The following JAKMIP2 variants were observed in gnomAD, a reference collection of about 807,000 sequenced individuals.
The protein encoded by JAKMIP2 is janus kinase and microtubule interacting protein 2.
Under a neutral mutation model 115.0 loss-of-function variants are expected in JAKMIP2, and 25 were observed. The observed-to-expected ratio is 0.22, with a 90% CI of 0.16 to 0.30. The LOEUF (loss-of-function observed/expected upper bound fraction) is 0.30. Ranked by LOEUF, JAKMIP2 falls within the 10% of genes least tolerant of loss-of-function variation. The pLI, the probability that JAKMIP2 is intolerant of heterozygous loss-of-function variation, is 1.00. For synonymous variants in JAKMIP2, 334 were observed against 343.6 expected (o/e 0.97, Z 0.31); for missense variants, 642 against 957.6 (o/e 0.67, Z 4.35).
chr5:147,737,561 T>C (rs1337951078), intron 1 of JAKMIP2, among the ~76,000 whole-genome samples: 1 of 152,212 alleles, frequency 6.6e-6, no homozygotes, highest in Non-Finnish European at 1.5e-5. Flanking sequence ...CCTCCAGGTT[T>C]AGCTATTTAA....
chr5:147,592,863 T>TA lies in JAKMIP2; in HGVS notation c.*21-1178dup, dbSNP rs61001975. ...TCTAGTCTACCAACCAGGGGCAACTTAAAGATCCAAAGGCATATTTGCAGA... is the reference window on the plus strand; with the variant it reads ...TCTAGTCTACCAACCAGGGGCAACTTAAAAGATCCAAAGGCATATTTGCAGA... On this transcript the variant is annotated intron_variant, in intron 21 of 21. Transcript: ENST00000616793. Among the ~76,000 whole-genome samples, 188 of 152,216 alleles carry TA rather than the reference T, an allele frequency of 1.2e-3. 3 individuals carry two copies. Among genetic ancestry groups the TA allele is most frequent in the African/African-American group, 4.4e-3 (181 of 41,544 alleles).
At chr5:147,772,179 C>T in intron 1 of JAKMIP2, among the ~76,000 whole-genome samples, 1 of 151,924 alleles carries the variant, frequency 6.6e-6, no homozygotes, top group Non-Finnish European at 1.5e-5. Flanking sequence ...GAAAAAAACG[C>T]CTTAGTCTAC....
intron 4 of JAKMIP2, 71 bp downstream of exon 4, chr5:147,650,267 T>C: frequency 3.1e-6 from 3 of 958,270 alleles, no homozygotes; most frequent in African/African-American, 1.6e-5. Flanking sequence ...AGAGCTTAAG[T>C]AAAAGGTAAA....
intron 1 of JAKMIP2, among the ~76,000 whole-genome samples, chr5:147,711,965 T>C (rs780929619): frequency 6.6e-6 from 1 of 152,228 alleles, no homozygotes; most frequent in Non-Finnish European, 1.5e-5. Context: ...AATGTAGACT[T>C]CATGGTGTTG....
chr5:147,648,596 T>A (rs1029150965), intron 4 of JAKMIP2, 122 bp from the exon 5 acceptor site: 10 of 619,312 alleles, frequency 1.6e-5, no homozygotes, highest in African/African-American at 1.5e-4. Context: ...GAAGTGAGAA[T>A]AAAATATTCT....
rs1037605068 is a variant in JAKMIP2 at position 147,671,831 on chromosome 5, T to G, written c.-25A>C. The G allele has an allele frequency of 1.3e-6, 2 of 1,529,840 alleles. No individual in the cohort carries two copies. The highest frequency in any genetic ancestry group is 4.2e-5 in the Admixed American group (2 of 48,076). 94.8% of individuals were successfully genotyped at this position (1,529,840 alleles called of 1,614,324 possible). On this transcript the variant is annotated 5_prime_UTR_variant, in exon 2 of 22. Coordinates refer to ENST00000616793, the MANE Select transcript of JAKMIP2 (RefSeq NM_001270941.2). ...TTGTTCCTTTCTAAATGGAGTCTGT[T>G]GGTTTTTAATTTCTTTCAAGCAGGT... is the stretch of plus-strand genomic sequence containing the variant.
At chr5:147,731,343 T>A (rs1328970928) in intron 1 of JAKMIP2, among the ~76,000 whole-genome samples, 1 of 152,218 alleles carries the variant, frequency 6.6e-6, no homozygotes, top group African/African-American at 2.4e-5. Context: ...CACGAAAGAC[T>A]AACTTTACAC....
intron 5 of JAKMIP2, among the ~76,000 whole-genome samples, chr5:147,647,684 G>A (rs1361512102): frequency 6.6e-6 from 1 of 152,150 alleles, no homozygotes; most frequent in African/African-American, 2.4e-5. Context: ...TGTTGGAAAA[G>A]ATATGGAGAA....
At chr5:147,705,064 G>A (rs1216030676) in intron 1 of JAKMIP2, among the ~76,000 whole-genome samples, 6 of 152,116 alleles carry the variant, frequency 3.9e-5, no homozygotes, top group Admixed American at 1.3e-4. Flanking sequence ...GAATATGTTC[G>A]TTGTTGCTGC....
At chr5:147,695,380 A>T (rs1290756672) in intron 1 of JAKMIP2, among the ~76,000 whole-genome samples, 1 of 152,212 alleles carries the variant, frequency 6.6e-6, no homozygotes, top group Non-Finnish European at 1.5e-5. Context: ...GACTCCAGAT[A>T]GATGAGGTTT....
intron 5 of JAKMIP2, among the ~76,000 whole-genome samples, chr5:147,647,982 C>T (rs905541425): frequency 6.6e-6 from 1 of 152,126 alleles, no homozygotes; most frequent in African/African-American, 2.4e-5. Flanking sequence ...ATGAATTCTA[C>T]ATGCAACACA....
At chr5:147,746,038 G>A (rs560757621) in intron 1 of JAKMIP2, among the ~76,000 whole-genome samples, 1 of 152,274 alleles carries the variant, frequency 6.6e-6, no homozygotes, top group East Asian at 1.9e-4. Flanking sequence ...GAAGATAGAA[G>A]TTTCCAGACA....
intron 1 of JAKMIP2, among the ~76,000 whole-genome samples, chr5:147,761,981 T>C (rs180731157): frequency 6.6e-6 from 1 of 152,040 alleles, no homozygotes; most frequent in Non-Finnish European, 1.5e-5. Context: ...AAAATACATA[T>C]GTCTTATGAA....
chr5:147,766,401 A>G (rs572126037), intron 1 of JAKMIP2, among the ~76,000 whole-genome samples: 1 of 152,292 alleles, frequency 6.6e-6, no homozygotes, highest in Non-Finnish European at 1.5e-5. Flanking sequence ...CTCTTTTAAC[A>G]ATTAACAAAA....
At chr5:147,662,394 A>G (rs1759051995) in intron 2 of JAKMIP2, among the ~76,000 whole-genome samples, 1 of 152,142 alleles carries the variant, frequency 6.6e-6, no homozygotes, top group Non-Finnish European at 1.5e-5. Flanking sequence ...TTTACCTCTC[A>G]GGAATTCCGG....
chr5:147,684,879 A>T (rs1489929000), intron 1 of JAKMIP2, among the ~76,000 whole-genome samples: 1 of 152,170 alleles, frequency 6.6e-6, no homozygotes, highest in African/African-American at 2.4e-5. Flanking sequence ...TTGGATTATG[A>T]TGGAGGGGTA....
At chr5:147,670,754 G>C (rs1581388000) in intron 2 of JAKMIP2, among the ~76,000 whole-genome samples, 1 of 152,250 alleles carries the variant, frequency 6.6e-6, no homozygotes, top group Non-Finnish European at 1.5e-5. Context: ...GCTGTGATGT[G>C]ATGAAGAAAC....
intron 1 of JAKMIP2, among the ~76,000 whole-genome samples, chr5:147,729,526 C>A (rs1162960903): frequency 6.6e-6 from 1 of 152,080 alleles, no homozygotes; most frequent in East Asian, 1.9e-4. Flanking sequence ...GTAATCCCAG[C>A]ATTTTGGGAG....
intron 1 of JAKMIP2, among the ~76,000 whole-genome samples, chr5:147,686,145 T>C (rs1007780395): frequency 2.6e-5 from 4 of 152,176 alleles, no homozygotes; most frequent in South Asian, 2.1e-4. Flanking sequence ...CTCCTCTTCA[T>C]TGAACAGAGA....
Sources: allele counts gnomAD v4.1 joint callset (sites outside exome capture counted in the v4.1 genomes callset), GRCh38; gene constraint gnomAD v4.1.1; transcripts MANE v1.5; gene names NCBI Gene and HGNC (gene_info 2026-07-23, HGNC 2026-07-21).